Variants in LRP1B observed in about 807,000 individuals in gnomAD.
LRP1B encodes the protein low-density lipoprotein receptor-related protein 1B.
LRP1B carries 217 observed loss-of-function variants against 556.6 expected under a neutral mutation model. The ratio of observed to expected loss-of-function variants is 0.39; its 90% CI spans 0.35 to 0.44. The LOEUF is 0.44. LRP1B is among the 20% of genes least tolerant of loss of function. LRP1B has a pLI of 1.00. For synonymous variants in LRP1B, 2,047 were observed against 1,865.8 expected (o/e 1.10, Z -2.50); for missense variants, 5,053 against 5,620.8 (o/e 0.90, Z 3.23).
chr2:141,039,742 C>G (rs1205012279), intron 11 of LRP1B, among the ~76,000 whole-genome samples: 1 of 152,058 alleles, frequency 6.6e-6, no homozygotes, highest in Non-Finnish European at 1.5e-5. Flanking sequence ...CTAGAACCCT[C>G]TAGCCACCAT....
At chr2:140,724,877 A>T (rs1476725345) in intron 35 of LRP1B, among the ~76,000 whole-genome samples, 1 of 152,190 alleles carries the variant, frequency 6.6e-6, no homozygotes, top group Admixed American at 6.5e-5. Context: ...ATTATTTACT[A>T]TCACTTCCTG....
At chr2:141,014,948 C>T (rs1197131831) in intron 13 of LRP1B, among the ~76,000 whole-genome samples, 1 of 151,938 alleles carries the variant, frequency 6.6e-6, no homozygotes. Context: ...TAGGCTTAGC[C>T]AAATGTGCAG....
chr2:141,682,353 A>G (rs1691135734), intron 2 of LRP1B, among the ~76,000 whole-genome samples: 1 of 152,256 alleles, frequency 6.6e-6, no homozygotes, highest in East Asian at 1.9e-4. Context: ...GGCAAAAAAA[A>G]AAAAGGATTT....
At chr2:141,822,126 CACACAG>C (rs1304145942) in intron 1 of LRP1B, among the ~76,000 whole-genome samples, 1 of 114,376 alleles carries the variant, frequency 8.7e-6, no homozygotes, top group African/African-American at 3.9e-5. Flanking sequence ...CACACACACA[CACACAG>C]AGAGAGAGAG....
chr2:140,452,807 A>G (rs1686936434), intron 62 of LRP1B, among the ~76,000 whole-genome samples: 1 of 152,004 alleles, frequency 6.6e-6, no homozygotes, highest in Non-Finnish European at 1.5e-5. Flanking sequence ...TTCATGATAG[A>G]TTTACATCAT....
chr2:141,043,855 T>G (rs1698780968), intron 11 of LRP1B, among the ~76,000 whole-genome samples: 1 of 152,014 alleles, frequency 6.6e-6, no homozygotes, highest in South Asian at 2.1e-4. Flanking sequence ...GAATTCAGTC[T>G]TAAGATTCAA....
chr2:140,256,548 A>C (rs775026767), intron 86 of LRP1B, among the ~76,000 whole-genome samples: 11 of 128,516 alleles, frequency 8.6e-5, no homozygotes, highest in Admixed American at 3.0e-4. Flanking sequence ...AGCTCACTGC[A>C]ACCTCTGCCT....
intron 1 of LRP1B, among the ~76,000 whole-genome samples, chr2:141,901,274 A>G (rs1699611064): frequency 6.6e-6 from 1 of 151,966 alleles, no homozygotes; most frequent in African/African-American, 2.4e-5. Flanking sequence ...TCTCCCAGCA[A>G]TGAGTAAGAA....
In LRP1B at chr2:140,315,856, A is replaced by G. The variant is rs374047500; in HGVS notation, c.12641-757T>C. On this transcript the variant is annotated intron_variant, in intron 82 of 90. Transcript: ENST00000389484. ...GAGAGACTCTTTGATGTTGGTCCTT[A>G]TTAACCATATATAAATCTCCCAAAC... 3.9e-4 allele frequency among the ~76,000 whole-genome samples: 60 copies of G among 152,298 alleles called. No individual in the cohort carries two copies. In the South Asian group the frequency reaches 5.6e-3, roughly 14 times the overall value.
In LRP1B at chr2:140,233,290, A is replaced by G. The variant is rs904043452; in HGVS notation, c.13696T>C (p.Tyr4566His). The change falls in exon 91 of 91, where the codon TAT becomes CAT. Residue 4566 changes from tyrosine to histidine, a missense_variant. By Grantham distance (83) the Tyr-to-His change is moderately conservative (BLOSUM62 2). Transcript: ENST00000389484. Reference protein sequence around the residue: ...NYSNPVYAKLYMDGQNCRNSL... With the variant: ...NYSNPVYAKLHMDGQNCRNSL... ...TTTCGACAGTTTTGCCCATCCATATATAATTTTGCATATACCGGATTGGAG... is the reference window on the plus strand; with the variant it reads ...TTTCGACAGTTTTGCCCATCCATATGTAATTTTGCATATACCGGATTGGAG... The G allele has an allele frequency of 6.2e-7, 1 of 1,603,576 alleles. No homozygotes were observed. Among genetic ancestry groups the G allele is most frequent in the African/African-American group, 1.3e-5 (1 of 74,312 alleles).
At chr2:140,379,182 G>A (rs1683365269) in intron 67 of LRP1B, among the ~76,000 whole-genome samples, 1 of 152,106 alleles carries the variant, frequency 6.6e-6, no homozygotes, top group Admixed American at 6.6e-5. Flanking sequence ...CATTCCTTGT[G>A]TTTGCAGCTG....
At chr2:140,347,925 G>A (rs1681766141) in intron 77 of LRP1B, among the ~76,000 whole-genome samples, 1 of 151,984 alleles carries the variant, frequency 6.6e-6, no homozygotes, top group South Asian at 2.1e-4. Context: ...GTTACTGTTA[G>A]AAGAACACGT....
At chr2:140,662,720 C>T (rs981875064) in intron 41 of LRP1B, among the ~76,000 whole-genome samples, 1 of 152,128 alleles carries the variant, frequency 6.6e-6, no homozygotes, top group Non-Finnish European at 1.5e-5. Context: ...CCATTTTTAT[C>T]TTGGCAGTGA....
intron 2 of LRP1B, among the ~76,000 whole-genome samples, chr2:141,798,130 TCATGTCTG>T (rs1337504853): frequency 1.3e-5 from 2 of 152,202 alleles, no homozygotes; most frequent in African/African-American, 4.8e-5. Context: ...TGTAAACACA[TCATGTCTG>T]CATGTATTAA....
At chr2:140,849,352 A>T (rs1283933818) in intron 29 of LRP1B, among the ~76,000 whole-genome samples, 1 of 150,714 alleles carries the variant, frequency 6.6e-6, no homozygotes, top group East Asian at 1.9e-4. Context: ...AGCCTGGGTG[A>T]CAGAATGAGA....
In LRP1B at chr2:141,019,926, T is replaced by C. The variant is rs530961220; in HGVS notation, c.1966A>G (p.Asn656Asp). 6.3e-7 allele frequency: 1 copy of C among 1,588,654 alleles called. No homozygotes were observed. The highest frequency in any genetic ancestry group is 8.6e-7 in the Non-Finnish European group (1 of 1,166,478). Reference protein sequence around the residue: ...HPRGIVVDPVNGWMYWTDWEE... With the variant: ...HPRGIVVDPVDGWMYWTDWEE... Reference sequence around the variant, plus strand: ...AGCTAGTCAAATATTGCATACCCATTAACTGGATCCACCACAATTCCTCTG... The same window carrying C: ...AGCTAGTCAAATATTGCATACCCATCAACTGGATCCACCACAATTCCTCTG... Residue 656 changes from asparagine to aspartate, a missense_variant, in exon 12 of 91, where the codon AAT becomes GAT. Coordinates refer to ENST00000389484, the MANE Select transcript of LRP1B (RefSeq NM_018557.3).
rs189316666 is a variant in LRP1B at position 140,573,271 on chromosome 2, C to G, written c.7194+25360G>C. On this transcript the variant is annotated intron_variant, in intron 43 of 90. Transcript: ENST00000389484. ...ATAAATATGTACAATTATTAGCTGT[C>G]AATTAAAATATTAATAAAATCCAAA... Among the ~76,000 whole-genome samples, 296 of 151,688 alleles carry G rather than the reference C, an allele frequency of 2.0e-3. 2 individuals carry two copies. Among genetic ancestry groups the G allele is most frequent in the African/African-American group, 6.9e-3 (285 of 41,424 alleles).
intron 18 of LRP1B, among the ~76,000 whole-genome samples, chr2:140,957,141 A>G (rs1695898017): frequency 6.6e-6 from 1 of 151,752 alleles, no homozygotes; most frequent in Non-Finnish European, 1.5e-5. Context: ...GTAATGTGTT[A>G]TTATAGTACA....
chr2:142,121,616 C>G (rs774830870), intron 1 of LRP1B, among the ~76,000 whole-genome samples: 1 of 152,156 alleles, frequency 6.6e-6, no homozygotes, highest in East Asian at 1.9e-4. Context: ...AGGCCTTCTG[C>G]GATTATAACT....
Sources: allele counts gnomAD v4.1 joint callset (sites outside exome capture counted in the v4.1 genomes callset), GRCh38; gene constraint gnomAD v4.1.1; transcripts MANE v1.5; gene names NCBI Gene and HGNC (gene_info 2026-07-23, HGNC 2026-07-21).